KANK1: variants seen among roughly 807,000 people sequenced by gnomAD.
The protein encoded by KANK1 is KN motif and ankyrin repeat domain-containing protein 1.
Under a neutral mutation model 106.2 loss-of-function variants are expected in KANK1, and 109 were observed. The observed-to-expected ratio is 1.03, with a 90% confidence interval of 0.88 to 1.20. KANK1 has a LOEUF of 1.20. KANK1 is among the 50% of genes most tolerant of loss of function. The pLI is 0.00. For synonymous variants in KANK1, 873 were observed against 652.2 expected, an observed-to-expected ratio of 1.34 and a Z score of -5.16; for missense variants, 2,399 against 1,710.7, an observed-to-expected ratio of 1.40 and a Z score of -7.10.
chr9:619,236 C>T (rs948206560), intron 1 of KANK1, among the ~76,000 whole-genome samples: 6 of 152,070 alleles, frequency 3.9e-5, no homozygotes, highest in African/African-American at 1.4e-4. Context: ...CTTATTTGTG[C>T]CTCAAGAATA....
At chr9:674,919 G>A (rs1007915022) in intron 1 of KANK1, among the ~76,000 whole-genome samples, 3 of 151,988 alleles carry the variant, frequency 2.0e-5, no homozygotes, top group East Asian at 1.9e-4. Context: ...TGGCCAGGCT[G>A]GTCTCAAACT....
rs189882368 is a variant in KANK1 at position 678,636 on chromosome 9, G to A, written c.37+1627G>A. Among the ~76,000 whole-genome samples, 144 of 152,280 alleles carry A rather than the reference G, an allele frequency of 9.5e-4. 1 individual carries two copies. The highest frequency in any genetic ancestry group is 3.2e-3 in the African/African-American group (134 of 41,552). On this transcript the variant is annotated intron_variant, in intron 2 of 11. Coordinates refer to ENST00000382297, the MANE Select transcript of KANK1 (RefSeq NM_015158.5). ...CCAGCTACTTAGGAGGCTAAGACAG[G>A]AATGGCTGGAACCTGGGAGGCAGAG...
At chr9:726,691 G>C (rs540219532) in intron 3 of KANK1, among the ~76,000 whole-genome samples, 66 of 152,150 alleles carry the variant, frequency 4.3e-4, no homozygotes, top group African/African-American at 1.6e-3. Context: ...CAGGCGTGGT[G>C]GCTCATGCCT....
intron 3 of KANK1, among the ~76,000 whole-genome samples, chr9:494,610 C>T (rs1336999192): frequency 2.0e-5 from 3 of 152,206 alleles, no homozygotes; most frequent in Non-Finnish European, 4.4e-5. Flanking sequence ...GGGAAACCAG[C>T]TGCCATGTCA....
chr9:618,984 G>C (rs1264257346), intron 1 of KANK1, among the ~76,000 whole-genome samples: 2 of 152,222 alleles, frequency 1.3e-5, no homozygotes, highest in African/African-American at 4.8e-5. Flanking sequence ...TGTGACTTAA[G>C]AAAATGTTTT....
At chr9:569,864 T>C (rs193166080) in intron 1 of KANK1, among the ~76,000 whole-genome samples, 288 of 152,238 alleles carry the variant, frequency 1.9e-3, no homozygotes, top group African/African-American at 6.5e-3. Flanking sequence ...AGTTCACTTA[T>C]GTTAATTATT....
At chr9:514,349 G>A (rs2059189408) in intron 1 of KANK1, among the ~76,000 whole-genome samples, 1 of 146,408 alleles carries the variant, frequency 6.8e-6, no homozygotes, top group Non-Finnish European at 1.5e-5. Context: ...CCTTTTTAGG[G>A]GATGGGATTA....
At chr9:543,742 C>T (rs143009993) in intron 1 of KANK1, among the ~76,000 whole-genome samples, 355 of 152,164 alleles carry the variant, frequency 2.3e-3, no homozygotes, top group Non-Finnish European at 4.5e-3. Flanking sequence ...AAAGTTTCCA[C>T]TTGAAAAAAC....
At chr9:634,269 A>G (rs7048369) in intron 1 of KANK1, among the ~76,000 whole-genome samples, 59,127 of 151,930 alleles carry the variant, frequency 0.39, 11,739 homozygotes, top group Middle Eastern at 0.41. Context: ...TGATTGGTTG[A>G]GGATGAAATC....
At chr9:653,698 T>C (rs560820789) in intron 1 of KANK1, among the ~76,000 whole-genome samples, 1 of 152,254 alleles carries the variant, frequency 6.6e-6, no homozygotes, top group South Asian at 2.1e-4. Flanking sequence ...AGCAGTTCTT[T>C]TGCATTTGGA....
chr9:584,518 C>G (rs911773936), intron 1 of KANK1, among the ~76,000 whole-genome samples: 6 of 152,142 alleles, frequency 3.9e-5, no homozygotes, highest in Admixed American at 1.3e-4. Context: ...TGATCTGAAC[C>G]TAGACTTCTG....
At chr9:611,739 G>C (rs966034889) in intron 1 of KANK1, among the ~76,000 whole-genome samples, 2 of 151,704 alleles carry the variant, frequency 1.3e-5, no homozygotes, top group Non-Finnish European at 2.9e-5. Flanking sequence ...TTTTTTTGGA[G>C]ACAAAGTCTT....
chr9:533,610 TA>T (rs2060163464), intron 1 of KANK1, among the ~76,000 whole-genome samples: 1 of 152,232 alleles, frequency 6.6e-6, no homozygotes, highest in South Asian at 2.1e-4. Flanking sequence ...CATACTCTGG[TA>T]TCTGGACTGT....
upstream of KANK1, among the ~76,000 whole-genome samples, chr9:503,106 G>C (rs1466146394): frequency 1.3e-5 from 2 of 149,338 alleles, no homozygotes; most frequent in African/African-American, 4.9e-5. Context: ...CCCAAAGTGT[G>C]AGGATTATAG....
chr9:606,799 C>A (rs1467276190), intron 1 of KANK1, among the ~76,000 whole-genome samples: 1 of 151,424 alleles, frequency 6.6e-6, no homozygotes, highest in Admixed American at 6.6e-5. Context: ...TGTTTTCATC[C>A]TCTCATCAAA....
At chr9:724,680 T>C (rs1401728262) in intron 3 of KANK1, among the ~76,000 whole-genome samples, 1 of 152,070 alleles carries the variant, frequency 6.6e-6, no homozygotes, top group Non-Finnish European at 1.5e-5. Flanking sequence ...CGGGCACTTG[T>C]AATCCCAGCT....
chr9:639,098 T>A (rs1216037821), intron 1 of KANK1, among the ~76,000 whole-genome samples: 1 of 152,152 alleles, frequency 6.6e-6, no homozygotes, highest in Non-Finnish European at 1.5e-5. Flanking sequence ...AGGACATGCT[T>A]TCCCCCCACA....
chr9:690,341 G>C (rs527428394), intron 2 of KANK1, among the ~76,000 whole-genome samples: 1 of 150,014 alleles, frequency 6.7e-6, no homozygotes, highest in East Asian at 2.0e-4. Flanking sequence ...CTACAAGAGA[G>C]AATGTCCCTA....
At chr9:640,088 G>T (rs1279663282) in intron 1 of KANK1, among the ~76,000 whole-genome samples, 1 of 152,092 alleles carries the variant, frequency 6.6e-6, no homozygotes, top group East Asian at 1.9e-4. Context: ...CTTCATTTTA[G>T]GATAACTCCA....
Sources: allele counts gnomAD v4.1 joint callset (sites outside exome capture counted in the v4.1 genomes callset), GRCh38; gene constraint gnomAD v4.1.1; transcripts MANE v1.5; gene names NCBI Gene and HGNC (gene_info 2026-07-23, HGNC 2026-07-21).